The following FRAS1 variants were observed in gnomAD, a reference collection of about 807,000 sequenced individuals.
FRAS1 encodes Fraser extracellular matrix complex subunit 1, also known as extracellular matrix organizing protein FRAS1.
A neutral mutation model predicts 435.2 loss-of-function variants in FRAS1; 290 were observed. That is an observed-to-expected ratio of 0.67 (90% confidence interval 0.61 to 0.73). The LOEUF (loss-of-function observed/expected upper bound fraction) is 0.73. FRAS1 is among the 30% of genes least tolerant of loss of function. FRAS1 has a pLI of 0.00. For missense variants in FRAS1, 4,860 were observed against 5,001.5 expected (o/e 0.97, Z 0.85); for synonymous variants, 1,800 against 1,851.0 (o/e 0.97, Z 0.71).
intron 72 of FRAS1, among the ~76,000 whole-genome samples, chr4:78,537,945 C>CA (rs71661176): frequency 0.085 from 7,774 of 91,204 alleles, 268 homozygotes; most frequent in African/African-American, 0.14. Context: ...GACCCTATCT[C>CA]AAAAAAAAAA....
At chr4:78,476,210 G>T (rs989963803) in intron 54 of FRAS1, among the ~76,000 whole-genome samples, 1 of 152,204 alleles carries the variant, frequency 6.6e-6, no homozygotes, top group Admixed American at 6.5e-5. Flanking sequence ...CTTTGGCTAT[G>T]TTAGGTATAA....
intron 2 of FRAS1, among the ~76,000 whole-genome samples, chr4:78,167,634 AT>A (rs1025176821): frequency 1.3e-5 from 2 of 152,012 alleles, no homozygotes; most frequent in African/African-American, 4.8e-5. Flanking sequence ...CAAAAGCCAC[AT>A]TTTTAAGGCA....
intron 9 of FRAS1, among the ~76,000 whole-genome samples, chr4:78,274,574 C>G (rs919654603): frequency 2.0e-5 from 3 of 151,994 alleles, no homozygotes; most frequent in Admixed American, 6.6e-5. Context: ...TGTTATGTAC[C>G]CTGTAGTCAT....
In FRAS1 at chr4:78,266,996, C is replaced by T. The variant is rs527826208; in HGVS notation, c.789+61C>T. ...TTTTCTGGGTCATTTAAGGAATGCACTTCTTATTCCGGTGTGTCCTTTGGG... is the reference window on the plus strand; with the variant it reads ...TTTTCTGGGTCATTTAAGGAATGCATTTCTTATTCCGGTGTGTCCTTTGGG... On this transcript the variant is annotated intron_variant, in intron 8 of 73. Transcript: ENST00000512123. The T allele has an allele frequency of 8.2e-5, 99 of 1,202,318 alleles. 2 individuals are homozygous for T. The South Asian group carries it at 9.8e-4, about 12-fold the overall frequency. The allele number at this position is 1,202,318 out of a possible 1,614,324, so 74.5% of individuals were successfully genotyped here.
chr4:78,316,239 C>A (rs894997050), intron 16 of FRAS1, among the ~76,000 whole-genome samples: 2 of 152,206 alleles, frequency 1.3e-5, no homozygotes, highest in African/African-American at 4.8e-5. Context: ...AACTATGAAA[C>A]ATACCCATTT....
intron 9 of FRAS1, among the ~76,000 whole-genome samples, chr4:78,269,524 G>C (rs1039326354): frequency 4.6e-5 from 7 of 152,286 alleles, no homozygotes; most frequent in Non-Finnish European, 8.8e-5. Context: ...TAAAAGAAGA[G>C]GCAAAGGTGT....
chr4:78,429,994 A>G (rs1486919907), intron 36 of FRAS1, among the ~76,000 whole-genome samples: 1 of 152,220 alleles, frequency 6.6e-6, no homozygotes, highest in Non-Finnish European at 1.5e-5. Flanking sequence ...CCAGCTAGTC[A>G]GGGTTGACCT....
At chr4:78,480,820 T>A (rs1002505260) in intron 56 of FRAS1, among the ~76,000 whole-genome samples, 1 of 152,226 alleles carries the variant, frequency 6.6e-6, no homozygotes, top group Admixed American at 6.5e-5. Context: ...ATCAAGGCCT[T>A]TCACATCTAT....
At chr4:78,372,307 T>G (rs1170131601) in intron 23 of FRAS1, among the ~76,000 whole-genome samples, 1 of 152,192 alleles carries the variant, frequency 6.6e-6, no homozygotes, top group Non-Finnish European at 1.5e-5. Flanking sequence ...GTGTCTGACA[T>G]CTCTTTACCT....
At chr4:78,361,471 T>G (rs1002200341) in intron 20 of FRAS1, among the ~76,000 whole-genome samples, 7 of 152,202 alleles carry the variant, frequency 4.6e-5, no homozygotes, top group African/African-American at 1.7e-4. Flanking sequence ...AGACTGTTAG[T>G]TTGTATGTTG....
At chr4:78,113,829 T>G (rs1260060371) in intron 2 of FRAS1, among the ~76,000 whole-genome samples, 1 of 152,256 alleles carries the variant, frequency 6.6e-6, no homozygotes, top group Non-Finnish European at 1.5e-5. Flanking sequence ...GTTCTTTAGT[T>G]CAATGAGATC....
chr4:78,461,868 T>C (rs1226206819), intron 47 of FRAS1, among the ~76,000 whole-genome samples: 2 of 152,222 alleles, frequency 1.3e-5, no homozygotes, highest in African/African-American at 4.8e-5. Flanking sequence ...GTATATACTA[T>C]ATAATTCTAT....
Position 78,477,830 on chromosome 4 carries a change from C to A in FRAS1, c.7867C>A (p.Arg2623=), listed in dbSNP as rs1236188218. 1.9e-6 allele frequency: 3 copies of A among 1,612,580 alleles called. No individual in the cohort carries two copies. The Admixed American group carries it at 5.0e-5, about 27-fold the overall frequency. The change falls in exon 55 of 74, where the codon CGA becomes AGA. Residue 2623 remains arginine, a synonymous_variant. Coordinates refer to ENST00000512123, the MANE Select transcript of FRAS1 (RefSeq NM_025074.7). ...EYAGQVQFDE[R]EDTKSCTIVI... ...TTTGTGACAGGTCCAGTTTGATGAG[C>A]GAGAGGACACCAAGTCCTGCACCAT...
intron 2 of FRAS1, among the ~76,000 whole-genome samples, chr4:78,069,129 G>A (rs1481571937): frequency 6.6e-6 from 1 of 152,130 alleles, no homozygotes; most frequent in Non-Finnish European, 1.5e-5. Flanking sequence ...TCCAAACTTT[G>A]TAATTTTACC....
chr4:78,481,230 G>A (rs181356115), intron 56 of FRAS1, among the ~76,000 whole-genome samples: 1 of 152,306 alleles, frequency 6.6e-6, no homozygotes, highest in Non-Finnish European at 1.5e-5. Flanking sequence ...TGTCACAGTG[G>A]ACAGGAAGAT....
intron 15 of FRAS1, among the ~76,000 whole-genome samples, chr4:78,313,053 T>G (rs1323978875): frequency 6.6e-6 from 1 of 152,180 alleles, no homozygotes; most frequent in Non-Finnish European, 1.5e-5. Flanking sequence ...TGCAATGCTT[T>G]TATTGTTGGT....
intron 14 of FRAS1, among the ~76,000 whole-genome samples, chr4:78,307,817 T>C (rs1014885947): frequency 4.6e-5 from 7 of 152,186 alleles, no homozygotes; most frequent in Non-Finnish European, 8.8e-5. Flanking sequence ...ACCCGTCTTC[T>C]GCGTTGCTCA....
At chr4:78,342,735 C>G (rs1730440799) in intron 20 of FRAS1, among the ~76,000 whole-genome samples, 1 of 152,106 alleles carries the variant, frequency 6.6e-6, no homozygotes, top group South Asian at 2.1e-4. Flanking sequence ...ATTTTTTAAA[C>G]AATGCTTTGA....
intron 30 of FRAS1, among the ~76,000 whole-genome samples, chr4:78,405,247 T>G (rs890934594): frequency 5.3e-5 from 8 of 152,206 alleles, no homozygotes; most frequent in Non-Finnish European, 8.8e-5. Context: ...AAATCAGCAT[T>G]TGAATGTTTT....
Sources: gnomAD v4.1 joint callset for allele counts (sites outside exome capture counted in the v4.1 genomes callset) on GRCh38, gnomAD v4.1.1 for gene constraint, MANE v1.5 for transcripts, NCBI Gene and HGNC (gene_info 2026-07-23, HGNC 2026-07-21) for gene names.